DLG1: variants seen among roughly 807,000 people sequenced by gnomAD.
DLG1 encodes the protein discs large MAGUK scaffold protein 1, also known as disks large homolog 1.
In DLG1, 42 loss-of-function variants were observed where a neutral mutation model predicts 123.4. The ratio of observed to expected loss-of-function variants is 0.34; its 90% confidence interval spans 0.27 to 0.44. DLG1 has a LOEUF of 0.44. Ranked by LOEUF, DLG1 falls within the 20% of genes least tolerant of loss-of-function variation. The pLI is 1.00. For missense variants in DLG1, 942 were observed against 1,082.6 expected (o/e 0.87, Z 1.82); for synonymous variants, 317 against 356.2 (o/e 0.89, Z 1.24).
Position 197,044,696 on chromosome 3 carries a change from T to C in DLG1, c.2609A>G (p.Tyr870Cys). ...IVQGDTLEDI[Y>C]NQVKQIIEEQ... ...TTCTATGATCTGTTTCACTTGGTTGTAAATGTCTTCCAGCGTATCCCCCTG... is the reference window on the plus strand; with the variant it reads ...TTCTATGATCTGTTTCACTTGGTTGCAAATGTCTTCCAGCGTATCCCCCTG... Residue 870 changes from tyrosine to cysteine, a missense_variant, in exon 25 of 25, where the codon TAC becomes TGC. By Grantham distance (194) the Tyr-to-Cys change is radical. Coordinates refer to ENST00000667157, the MANE Select transcript of DLG1 (RefSeq NM_001366207.1). 6.2e-7 allele frequency: 1 copy of C among 1,608,288 alleles called. No homozygotes were observed. Among genetic ancestry groups the C allele is most frequent in the African/African-American group, 1.3e-5 (1 of 74,776 alleles).
chr3:197,195,187 C>T lies in DLG1; in HGVS notation c.319-598G>A, dbSNP rs569213985. On this transcript the variant is annotated intron_variant, in intron 4 of 24. Coordinates refer to ENST00000667157, the MANE Select transcript of DLG1 (RefSeq NM_001366207.1). ...TGAGATAAAATATTCTTTCCCATCACCCTCGAATAAACCTACTCATAAAGA... is the reference window on the plus strand; with the variant it reads ...TGAGATAAAATATTCTTTCCCATCATCCTCGAATAAACCTACTCATAAAGA... Among the ~76,000 whole-genome samples the T allele has an allele frequency of 9.2e-5, 14 of 151,904 alleles. No homozygotes were observed. The South Asian group carries it at 2.5e-3, about 27-fold the overall frequency.
chr3:197,125,081 C>T (rs1320804668), intron 11 of DLG1, among the ~76,000 whole-genome samples: 3 of 151,990 alleles, frequency 2.0e-5, no homozygotes, highest in East Asian at 3.9e-4. Context: ...AGTCGAGTTT[C>T]GGGGTAAAAA....
In DLG1 at chr3:197,208,792, G is replaced by A. The variant is rs578085461; in HGVS notation, c.319-14203C>T. ...AGGAAACAGATAACTTTAGTTGCTT[G>A]ACGAGAGGAGATTTACCCCTGGGGG... On this transcript the variant is annotated intron_variant, in intron 4 of 24. Coordinates refer to ENST00000667157, the MANE Select transcript of DLG1 (RefSeq NM_001366207.1). Among the ~76,000 whole-genome samples the A allele has an allele frequency of 1.4e-5, 2 of 145,802 alleles. 1 individual carries two copies. Among genetic ancestry groups the A allele is most frequent in the Non-Finnish European group, 3.1e-5 (2 of 64,976 alleles).
At chr3:197,070,284 C>T (rs1175513421) in intron 18 of DLG1, 1 of 148,270 alleles carries the variant, frequency 6.7e-6, no homozygotes, top group African/African-American at 2.5e-5. Flanking sequence ...CACTCTGTTG[C>T]TCAGGTGGGA....
At chr3:197,163,028 T>G (rs895910693) in intron 5 of DLG1, among the ~76,000 whole-genome samples, 15 of 152,138 alleles carry the variant, frequency 9.9e-5, no homozygotes, top group African/African-American at 3.4e-4. Flanking sequence ...ACCCAATTAA[T>G]GAATGTGTGA....
At chr3:197,263,292 A>T (rs1005785607) in intron 4 of DLG1, among the ~76,000 whole-genome samples, 7 of 152,158 alleles carry the variant, frequency 4.6e-5, no homozygotes, top group Admixed American at 2.0e-4. Context: ...GCTGAAAATC[A>T]CTACGGCAAG....
At chr3:197,139,799 CCCAG>C (rs1241308603) in intron 8 of DLG1, among the ~76,000 whole-genome samples, 2 of 151,962 alleles carry the variant, frequency 1.3e-5, no homozygotes, top group Non-Finnish European at 1.5e-5. Context: ...ACACATGTTT[CCCAG>C]CCAGAGAGGA....
At chr3:197,253,890 G>A (rs962265878) in intron 4 of DLG1, among the ~76,000 whole-genome samples, 1 of 151,532 alleles carries the variant, frequency 6.6e-6, no homozygotes, top group Non-Finnish European at 1.5e-5. Flanking sequence ...AAACATACAT[G>A]TATCTACAAT....
intron 5 of DLG1, among the ~76,000 whole-genome samples, chr3:197,159,147 G>A (rs867195762): frequency 1.3e-5 from 2 of 152,100 alleles, no homozygotes; most frequent in East Asian, 1.9e-4. Flanking sequence ...TGGTGGAGTC[G>A]GGTAGGACTA....
At chr3:197,101,281 G>T (rs542320448) in intron 14 of DLG1, among the ~76,000 whole-genome samples, 54 of 152,240 alleles carry the variant, frequency 3.5e-4, no homozygotes, top group African/African-American at 1.2e-3. Context: ...CGGGGATAAC[G>T]GTGCTTACTT....
intron 6 of DLG1, among the ~76,000 whole-genome samples, chr3:197,148,232 T>G (rs1329833470): frequency 2.0e-4 from 1 of 5,014 alleles, no homozygotes; most frequent in African/African-American, 1.3e-3. Context: ...AAACCCCATC[T>G]CTACCAAAAA....
chr3:197,182,067 A>G (rs1315387549), intron 5 of DLG1, among the ~76,000 whole-genome samples: 1 of 152,200 alleles, frequency 6.6e-6, no homozygotes, highest in Non-Finnish European at 1.5e-5. Context: ...ACCGAGTGAC[A>G]GATATATCAA....
intron 13 of DLG1, among the ~76,000 whole-genome samples, chr3:197,113,081 T>A (rs750095701): frequency 6.6e-6 from 1 of 152,224 alleles, no homozygotes; most frequent in Non-Finnish European, 1.5e-5. Context: ...GGAGTAAGAC[T>A]GGTTTAGGTT....
chr3:197,128,611 G>A (rs1348817058), intron 11 of DLG1, among the ~76,000 whole-genome samples: 2 of 152,166 alleles, frequency 1.3e-5, no homozygotes, highest in Non-Finnish European at 2.9e-5. Context: ...AATTTACTTT[G>A]CCCAGATCCA....
At chr3:197,175,785 G>A (rs567641333) in intron 5 of DLG1, among the ~76,000 whole-genome samples, 1 of 152,184 alleles carries the variant, frequency 6.6e-6, no homozygotes, top group South Asian at 2.1e-4. Flanking sequence ...TTATCCAAAT[G>A]ACTACTGAAT....
chr3:197,206,846 A>G (rs574154951), intron 4 of DLG1, among the ~76,000 whole-genome samples: 2 of 152,112 alleles, frequency 1.3e-5, no homozygotes, highest in Non-Finnish European at 2.9e-5. Flanking sequence ...AAATAAATAA[A>G]AATAAAGAAC....
Position 197,142,755 on chromosome 3 carries a change from T to C in DLG1, c.551A>G (p.Asp184Gly), listed in dbSNP as rs199703315. The change falls in exon 7 of 25, where the codon GAT (aspartate) becomes GGT (glycine). Residue 184 changes from aspartate (D) to glycine (G), a missense_variant. Physicochemically the swap from Asp to Gly is moderately conservative, Grantham distance 94. Coordinates refer to ENST00000667157, the MANE Select transcript of DLG1 (RefSeq NM_001366207.1). ...LETPTYVNGT[D>G]ADYEYEEITL... Reference sequence around the variant, plus strand: ...GATTTCTTCATATTCATAATCTGCATCTGTGCCATTAACCTACAGGGGAAA... The same window carrying C: ...GATTTCTTCATATTCATAATCTGCACCTGTGCCATTAACCTACAGGGGAAA... 19 of 1,609,214 alleles carry C rather than the reference T, an allele frequency of 1.2e-5. No homozygotes were observed. The East Asian group carries it at 3.6e-4, about 30-fold the overall frequency.
intron 11 of DLG1, among the ~76,000 whole-genome samples, chr3:197,120,878 C>T (rs1775998348): frequency 6.6e-6 from 1 of 152,126 alleles, no homozygotes; most frequent in Admixed American, 6.5e-5. Context: ...CTACCAATGG[C>T]TCTTAACTTT....
At chr3:197,198,141 A>C (rs544399318) in intron 4 of DLG1, among the ~76,000 whole-genome samples, 78 of 58,724 alleles carry the variant, frequency 1.3e-3, no homozygotes, top group African/African-American at 4.1e-3. Flanking sequence ...AACAAAACAA[A>C]ACAAACAAAA....
Sources: gnomAD v4.1 joint callset for allele counts (sites outside exome capture counted in the v4.1 genomes callset) on GRCh38, gnomAD v4.1.1 for gene constraint, MANE v1.5 for transcripts, NCBI Gene and HGNC (gene_info 2026-07-23, HGNC 2026-07-21) for gene names.